The following KSR2 variants were observed in gnomAD, a reference collection of about 807,000 sequenced individuals.
KSR2 encodes kinase suppressor of ras 2.
A neutral mutation model predicts 107.8 loss-of-function variants in KSR2; 25 were observed. The ratio of observed to expected loss-of-function variants is 0.23; its 90% CI spans 0.17 to 0.32. The LOEUF (loss-of-function observed/expected upper bound fraction) is 0.32, where lower values mean the gene tolerates loss of function less well. Ranked by LOEUF, KSR2 falls within the 10% of genes least tolerant of loss-of-function variation. The probability of loss-of-function intolerance (pLI) is 1.00; values close to 1 mark genes in which losing one functional copy is unlikely to be tolerated. For synonymous variants in KSR2, 480 were observed against 507.0 expected (o/e 0.95, Z 0.71); for missense variants, 887 against 1,268.9 (o/e 0.70, Z 4.57).
chr12:117,866,547 C>T (rs375584904), intron 1 of KSR2, among the ~76,000 whole-genome samples: 3 of 152,130 alleles, frequency 2.0e-5, no homozygotes, highest in East Asian at 1.9e-4. Context: ...TGAGTTGATT[C>T]GGCCGGACAC....
chr12:117,927,190 A>G (rs1370735724), intron 1 of KSR2, among the ~76,000 whole-genome samples: 1 of 151,960 alleles, frequency 6.6e-6, no homozygotes, highest in East Asian at 1.9e-4. Context: ...ATCCTGGACA[A>G]CATGGTGAAA....
At chr12:117,928,559 T>G (rs1173337366) in intron 1 of KSR2, among the ~76,000 whole-genome samples, 1 of 152,212 alleles carries the variant, frequency 6.6e-6, no homozygotes, top group Non-Finnish European at 1.5e-5. Context: ...TATTTATCCA[T>G]GTATCTGCTC....
chr12:117,465,555 G>A lies in KSR2; in HGVS notation c.*1644C>T, dbSNP rs1047333301. 6.6e-6 allele frequency: 1 copy of A among 152,348 alleles called. No individual in the cohort carries two copies. The highest frequency in any genetic ancestry group is 2.1e-4 in the South Asian group (1 of 4,820). 9.4% of individuals were successfully genotyped at this position (152,348 alleles called of 1,614,324 possible). On this transcript the variant is annotated 3_prime_UTR_variant, in exon 20 of 20. Coordinates refer to ENST00000339824, the MANE Select transcript of KSR2 (RefSeq NM_173598.6). ...CCCCAGAGCATGAACCAGTCTGGGA[G>A]TCACCCAAGGTGGGGAAGAGATCCT... is the stretch of plus-strand genomic sequence containing the variant.
chr12:117,791,249 C>T (rs1236870355), intron 3 of KSR2, among the ~76,000 whole-genome samples: 1 of 152,210 alleles, frequency 6.6e-6, no homozygotes, highest in Non-Finnish European at 1.5e-5. Context: ...CCTTCAGGAG[C>T]TTGCTTCCTG....
At chr12:117,866,856 G>A (rs57602221) in intron 1 of KSR2, among the ~76,000 whole-genome samples, 2,745 of 151,626 alleles carry the variant, frequency 0.018, 80 homozygotes, top group African/African-American at 0.062. Flanking sequence ...AAAATGAGTC[G>A]ATTTAAAGAA....
intron 1 of KSR2, chr12:117,889,557 G>C (rs1894278968): frequency 6.6e-6 from 1 of 152,194 alleles, no homozygotes; most frequent in African/African-American, 2.4e-5. Context: ...TAAATAACGA[G>C]ACGTGGGGCC....
chr12:117,655,332 G>A (rs1219003588), intron 5 of KSR2, among the ~76,000 whole-genome samples: 1 of 152,148 alleles, frequency 6.6e-6, no homozygotes, highest in Admixed American at 6.5e-5. Flanking sequence ...GGAATTCACT[G>A]GTCTTACCAT....
At chr12:117,948,325 TA>T (rs1262804176) in intron 1 of KSR2, among the ~76,000 whole-genome samples, 1 of 151,594 alleles carries the variant, frequency 6.6e-6, no homozygotes, top group Non-Finnish European at 1.5e-5. Flanking sequence ...CCCTCTCTAC[TA>T]AAAATACAAA....
At chr12:117,699,772 A>G (rs1035800100) in intron 4 of KSR2, among the ~76,000 whole-genome samples, 3 of 152,176 alleles carry the variant, frequency 2.0e-5, no homozygotes, top group African/African-American at 7.2e-5. Context: ...AACACTGTAC[A>G]CTTAGGTGAC....
chr12:117,597,445 A>T (rs187097802), intron 5 of KSR2, among the ~76,000 whole-genome samples: 63 of 152,340 alleles, frequency 4.1e-4, no homozygotes, highest in Admixed American at 3.2e-3. Context: ...AATTATAAGG[A>T]TCCTTATGAA....
chr12:117,729,435 G>A (rs979271265), intron 4 of KSR2, among the ~76,000 whole-genome samples: 1 of 152,120 alleles, frequency 6.6e-6, no homozygotes, highest in Non-Finnish European at 1.5e-5. Context: ...TCTGTCGAAA[G>A]GAATGATAAA....
intron 5 of KSR2, among the ~76,000 whole-genome samples, chr12:117,659,864 T>C (rs1474631910): frequency 2.6e-5 from 4 of 152,250 alleles, no homozygotes; most frequent in Admixed American, 2.0e-4. Flanking sequence ...GTTGCTAACA[T>C]TTTTAAAATG....
At chr12:117,753,139 T>C (rs1309599295) in intron 4 of KSR2, among the ~76,000 whole-genome samples, 1 of 152,246 alleles carries the variant, frequency 6.6e-6, no homozygotes, top group East Asian at 1.9e-4. Context: ...CTAACTGCAT[T>C]TATAGGATTA....
At chr12:117,714,421 G>A (rs1400862639) in intron 4 of KSR2, among the ~76,000 whole-genome samples, 3 of 152,188 alleles carry the variant, frequency 2.0e-5, no homozygotes, top group Non-Finnish European at 4.4e-5. Context: ...AAGATTCTCA[G>A]AGCCTGGGAA....
chr12:117,931,739 A>C (rs1240769092), intron 1 of KSR2, among the ~76,000 whole-genome samples: 1 of 152,248 alleles, frequency 6.6e-6, no homozygotes, highest in East Asian at 1.9e-4. Context: ...TGAGAAGTTC[A>C]TTCAGAAAAC....
In KSR2 at chr12:117,686,215, A is replaced by ATTTT. The variant is rs55772468; in HGVS notation, c.987-18561_987-18558dup. On this transcript the variant is annotated intron_variant, in intron 4 of 19. Coordinates refer to ENST00000339824, the MANE Select transcript of KSR2 (RefSeq NM_173598.6). ...AGGCACACACCACCACACCCAGCTA[A>ATTTT]TTTTTTTTTTTTTTTTTTTTTTTTT... Among the ~76,000 whole-genome samples the ATTTT allele has an allele frequency of 6.5e-3, 505 of 77,996 alleles. 42 individuals are homozygous for ATTTT. Among genetic ancestry groups the ATTTT allele is most frequent in the African/African-American group, 0.025 (374 of 14,678 alleles). 51.2% of individuals were successfully genotyped at this position (77,996 alleles called of 152,430 possible).
At chr12:117,477,035 A>T (rs1402427570) in intron 16 of KSR2, among the ~76,000 whole-genome samples, 6 of 152,220 alleles carry the variant, frequency 3.9e-5, no homozygotes, top group South Asian at 4.1e-4. Context: ...TTTATTTTAC[A>T]TAATAGACTA....
intron 5 of KSR2, among the ~76,000 whole-genome samples, chr12:117,606,635 A>C (rs1488369621): frequency 7.3e-3 from 277 of 37,884 alleles, no homozygotes; most frequent in Middle Eastern, 0.019. Context: ...TTTCTTCCCT[A>C]CTTCTTTCCC....
At chr12:117,673,110 A>G (rs891230349) in intron 4 of KSR2, among the ~76,000 whole-genome samples, 19 of 152,226 alleles carry the variant, frequency 1.2e-4, no homozygotes, top group Non-Finnish European at 5.9e-5. Flanking sequence ...GCACAAGTTT[A>G]GCAGGAGCTC....
Sources: gnomAD v4.1 joint callset for allele counts (sites outside exome capture counted in the v4.1 genomes callset) on GRCh38, gnomAD v4.1.1 for gene constraint, MANE v1.5 for transcripts, NCBI Gene and HGNC (gene_info 2026-07-23, HGNC 2026-07-21) for gene names.